Variants in SGCD observed in about 807,000 individuals in gnomAD.
The protein encoded by SGCD is delta-sarcoglycan.
A neutral mutation model predicts 36.6 loss-of-function variants in SGCD; 18 were observed. The observed-to-expected ratio is 0.49, with a 90% confidence interval of 0.34 to 0.73. The LOEUF (loss-of-function observed/expected upper bound fraction) is 0.73, where lower values mean the gene tolerates loss of function less well. SGCD is among the 30% of genes least tolerant of loss of function. SGCD has a pLI of 0.01. For missense variants in SGCD, 387 were observed against 346.7 expected (o/e 1.12, Z -0.92); for synonymous variants, 133 against 130.6 (o/e 1.02, Z -0.12).
chr5:156,384,914 A>C (rs753005034), intron 3 of SGCD, among the ~76,000 whole-genome samples: 1 of 152,184 alleles, frequency 6.6e-6, no homozygotes, highest in Non-Finnish European at 1.5e-5. Flanking sequence ...TGCAGTTCTC[A>C]TATGACCTAG....
chr5:156,557,129 T>C (rs1759059252), intron 4 of SGCD, among the ~76,000 whole-genome samples: 1 of 152,178 alleles, frequency 6.6e-6, no homozygotes, highest in East Asian at 1.9e-4. Context: ...GAATTTTCCA[T>C]CTGCAGAATA....
At chr5:156,199,835 T>C (rs1240452090) in intron 3 of SGCD, among the ~76,000 whole-genome samples, 2 of 152,152 alleles carry the variant, frequency 1.3e-5, no homozygotes, top group Non-Finnish European at 2.9e-5. Context: ...TAATAAATTC[T>C]GTAGATCTTG....
At chr5:156,617,357 G>A (rs73299193) in intron 6 of SGCD, among the ~76,000 whole-genome samples, 5,580 of 152,240 alleles carry the variant, frequency 0.037, 338 homozygotes, top group African/African-American at 0.13. Flanking sequence ...AAATAGACAC[G>A]ATACCTTGAG....
At chr5:156,566,495 C>T (rs1331089172) in intron 4 of SGCD, among the ~76,000 whole-genome samples, 1 of 150,178 alleles carries the variant, frequency 6.7e-6, no homozygotes, top group Non-Finnish European at 1.5e-5. Flanking sequence ...GTCTTCCATC[C>T]TTTACTTGAA....
the SGCD span, among the ~76,000 whole-genome samples, chr5:155,744,884 GA>G: frequency 1.3e-5 from 2 of 152,176 alleles, no homozygotes; most frequent in Non-Finnish European, 2.9e-5. Context: ...GCAAATATAG[GA>G]AGTTCAAATA....
At chr5:156,728,508 C>CCAAAA (rs1383025380) in intron 7 of SGCD, among the ~76,000 whole-genome samples, 1 of 46,526 alleles carries the variant, frequency 2.1e-5, no homozygotes, top group African/African-American at 8.6e-5. Context: ...GAGACTCTGT[C>CCAAAA]AAAAAAAAAA....
intron 4 of SGCD, among the ~76,000 whole-genome samples, chr5:156,541,037 G>T (rs1049401946): frequency 2.0e-5 from 3 of 152,134 alleles, no homozygotes; most frequent in African/African-American, 2.4e-5. Flanking sequence ...CTTATGAAAG[G>T]TATCTCTGAG....
At chr5:155,940,326 A>G in intron 1 of SGCD, among the ~76,000 whole-genome samples, 1 of 152,016 alleles carries the variant, frequency 6.6e-6, no homozygotes, top group African/African-American at 2.4e-5. Context: ...CTGTTTCTTT[A>G]CCTTCTAAAT....
chr5:156,259,774 C>T (rs562443977), intron 3 of SGCD, among the ~76,000 whole-genome samples: 1 of 152,076 alleles, frequency 6.6e-6, no homozygotes, highest in East Asian at 1.9e-4. Context: ...AGGGTGGGGC[C>T]CCCATAGTAT....
At chr5:156,737,257 C>A (rs772434480) in intron 7 of SGCD, among the ~76,000 whole-genome samples, 1 of 152,008 alleles carries the variant, frequency 6.6e-6, no homozygotes, top group Non-Finnish European at 1.5e-5. Flanking sequence ...TAAATAGTGG[C>A]AGTTTTCAGG....
At chr5:155,827,042 T>A in the SGCD span, among the ~76,000 whole-genome samples, 1 of 152,322 alleles carries the variant, frequency 6.6e-6, no homozygotes, top group Non-Finnish European at 1.5e-5. Flanking sequence ...AAAGCTATGT[T>A]TGATAACACT....
intron 1 of SGCD, among the ~76,000 whole-genome samples, chr5:156,071,900 C>G (rs1481691738): frequency 6.6e-6 from 1 of 152,174 alleles, no homozygotes; most frequent in East Asian, 1.9e-4. Context: ...TTCTTTGTCT[C>G]TTTTGATCTT....
chr5:156,254,035 A>G (rs1765648074), intron 3 of SGCD, among the ~76,000 whole-genome samples: 2 of 152,184 alleles, frequency 1.3e-5, no homozygotes, highest in African/African-American at 4.8e-5. Flanking sequence ...TATATAAACA[A>G]TTATATCATC....
intron 3 of SGCD, among the ~76,000 whole-genome samples, chr5:156,369,277 C>G (rs1281439662): frequency 1.3e-5 from 2 of 152,012 alleles, no homozygotes; most frequent in Non-Finnish European, 2.9e-5. Flanking sequence ...TCTTTATGTC[C>G]CTTAAGTGTA....
At chr5:155,768,032 T>C in the SGCD span, among the ~76,000 whole-genome samples, 4 of 152,180 alleles carry the variant, frequency 2.6e-5, no homozygotes, top group African/African-American at 7.2e-5. Context: ...CATGGACCCC[T>C]GTACTTCTTA....
At chr5:156,186,331 T>C (rs1763760338) in intron 3 of SGCD, among the ~76,000 whole-genome samples, 1 of 152,140 alleles carries the variant, frequency 6.6e-6, no homozygotes, top group Non-Finnish European at 1.5e-5. Flanking sequence ...GTAATCTATG[T>C]TGATATCTGC....
At chr5:155,903,816 G>C (rs1756444172) in intron 1 of SGCD, among the ~76,000 whole-genome samples, 1 of 152,186 alleles carries the variant, frequency 6.6e-6, no homozygotes, top group Non-Finnish European at 1.5e-5. Context: ...TTCAGCTTCA[G>C]TTAAATACCT....
chr5:155,790,652 A>G, the SGCD span, among the ~76,000 whole-genome samples: 1 of 152,102 alleles, frequency 6.6e-6, no homozygotes, highest in Non-Finnish European at 1.5e-5. Flanking sequence ...TTTCTTCATT[A>G]TATTATAGAA....
intron 1 of SGCD, among the ~76,000 whole-genome samples, chr5:155,980,360 C>CCCAGGCCTAGCCCTG (rs1758200506): frequency 6.6e-6 from 1 of 151,528 alleles, no homozygotes; most frequent in African/African-American, 2.4e-5. Flanking sequence ...CCTAGGCGGG[C>CCCAGGCCTAGCCCTG]GGATCATGAG....
Sources: allele counts gnomAD v4.1 joint callset (sites outside exome capture counted in the v4.1 genomes callset), GRCh38; gene constraint gnomAD v4.1.1; transcripts MANE v1.5; gene names NCBI Gene and HGNC (gene_info 2026-07-23, HGNC 2026-07-21).